The following ROBO2 variants were observed in gnomAD, a reference collection of about 807,000 sequenced individuals.
ROBO2 encodes the protein roundabout homolog 2.
Under a neutral mutation model 160.8 loss-of-function variants are expected in ROBO2, and 53 were observed. That is an observed-to-expected ratio of 0.33 (90% CI 0.26 to 0.41). ROBO2 has a LOEUF of 0.41. ROBO2 is among the 10% of genes least tolerant of loss of function. The probability of loss-of-function intolerance (pLI) is 1.00; values close to 1 mark genes in which losing one functional copy is unlikely to be tolerated. For synonymous variants in ROBO2, 664 were observed against 611.7 expected, an observed-to-expected ratio of 1.09 and a Z score of -1.26; for missense variants, 1,577 against 1,722.4, an observed-to-expected ratio of 0.92 and a Z score of 1.49.
chr3:76,770,537 T>G (rs1189649857), intron 2 of ROBO2, among the ~76,000 whole-genome samples: 1 of 151,202 alleles, frequency 6.6e-6, no homozygotes, highest in East Asian at 2.0e-4. Flanking sequence ...AAAGCTCTTT[T>G]CACAGTTTGA....
chr3:77,592,152 T>A (rs932077749), intron 17 of ROBO2, among the ~76,000 whole-genome samples: 1 of 152,166 alleles, frequency 6.6e-6, no homozygotes, highest in African/African-American at 2.4e-5. Context: ...TAAGGGTTTT[T>A]AAAAAAATTC....
chr3:77,228,533 A>G (rs895871271), intron 2 of ROBO2, among the ~76,000 whole-genome samples: 1 of 151,856 alleles, frequency 6.6e-6, no homozygotes, highest in Non-Finnish European at 1.5e-5. Context: ...TTGAACAATG[A>G]GAACATATGG....
chr3:76,077,457 G>A (rs2068680486), intron 2 of ROBO2, among the ~76,000 whole-genome samples: 3 of 152,132 alleles, frequency 2.0e-5, no homozygotes, highest in Admixed American at 2.0e-4. Context: ...CAGGTACTCA[G>A]GAGGCTGAGG....
intron 2 of ROBO2, among the ~76,000 whole-genome samples, chr3:77,019,054 C>T (rs2149496231): frequency 6.6e-6 from 1 of 152,262 alleles, no homozygotes; most frequent in South Asian, 2.1e-4. Flanking sequence ...CATCTTTCTT[C>T]TATGAAGGAT....
Position 77,375,252 on chromosome 3 carries a change from G to A in ROBO2, c.389-102162G>A, listed in dbSNP as rs913069486. Among the ~76,000 whole-genome samples, 13 of 152,328 alleles carry A rather than the reference G, an allele frequency of 8.5e-5. 1 individual carries two copies. The highest frequency in any genetic ancestry group is 6.8e-3 in the Middle Eastern group (2 of 294). On this transcript the variant is annotated intron_variant, in intron 2 of 25. Transcript: ENST00000461745. ...AATGGAATTAAAATGTTTTCTTGGA[G>A]CCTCTTGTCATTGATTTAGAAAGTC...
chr3:77,480,545 G>A (rs1316159672), intron 3 of ROBO2, among the ~76,000 whole-genome samples: 1 of 151,960 alleles, frequency 6.6e-6, no homozygotes, highest in Admixed American at 6.6e-5. Context: ...TTTTCTCCAA[G>A]AATTATCTCT....
rs2075377601 is a variant in ROBO2, at chr3:76,903,539, T to G, written c.110-194475T>G. Among the ~76,000 whole-genome samples the G allele has an allele frequency of 2.0e-5, 3 of 152,010 alleles. No homozygotes were observed. In the South Asian group the frequency reaches 6.2e-4, roughly 32 times the overall value. ...GGTCCTGAAATTGAAGGAAAGAAAG[T>G]TTTTCTCCATCCCCCACACCATCCC... On this transcript the variant is annotated intron_variant, in intron 2 of 26. Transcript: ENST00000487694.
chr3:76,769,868 C>G (rs1476404169), intron 2 of ROBO2, among the ~76,000 whole-genome samples: 1 of 151,416 alleles, frequency 6.6e-6, no homozygotes, highest in Non-Finnish European at 1.5e-5. Context: ...TCTTGCTCAT[C>G]TCTTCCATGG....
At chr3:76,403,366 CTA>C (rs1387581618) in intron 2 of ROBO2, among the ~76,000 whole-genome samples, 1 of 151,510 alleles carries the variant, frequency 6.6e-6, no homozygotes, top group Non-Finnish European at 1.5e-5. Context: ...AAATATTTGT[CTA>C]TGTTATTATT....
At chr3:75,975,237 G>T (rs537713960) in intron 2 of ROBO2, among the ~76,000 whole-genome samples, 1 of 151,464 alleles carries the variant, frequency 6.6e-6, no homozygotes, top group East Asian at 2.0e-4. Context: ...GTCTGCCACA[G>T]ATACAAATTT....
intron 2 of ROBO2, among the ~76,000 whole-genome samples, chr3:76,545,140 T>C (rs368017851): frequency 1.3e-5 from 2 of 151,760 alleles, no homozygotes; most frequent in Non-Finnish European, 2.9e-5. Flanking sequence ...ATCAAAGGAG[T>C]ATATGGCAGA....
At chr3:76,267,411 G>A (rs1191157097) in intron 2 of ROBO2, among the ~76,000 whole-genome samples, 6 of 152,040 alleles carry the variant, frequency 3.9e-5, no homozygotes, top group East Asian at 3.9e-4. Context: ...CTTCACATTC[G>A]TGGATATTTC....
chr3:77,331,882 T>G (rs1440198737), intron 2 of ROBO2, among the ~76,000 whole-genome samples: 1 of 152,058 alleles, frequency 6.6e-6, no homozygotes, highest in African/African-American at 2.4e-5. Flanking sequence ...ATTTTTGTAT[T>G]TTTAGTAGAG....
intron 2 of ROBO2, among the ~76,000 whole-genome samples, chr3:76,949,084 T>G (rs2078798119): frequency 6.6e-6 from 1 of 150,994 alleles, no homozygotes; most frequent in Admixed American, 6.6e-5. Flanking sequence ...TCTTTTTCAT[T>G]TTTTGAGAGC....
chr3:77,244,163 T>G (rs2089417020), intron 2 of ROBO2, among the ~76,000 whole-genome samples: 1 of 152,174 alleles, frequency 6.6e-6, no homozygotes, highest in Admixed American at 6.5e-5. Flanking sequence ...CAGGCTAAAT[T>G]TTGTCAATTA....
chr3:76,589,341 C>G (rs1256167448), intron 2 of ROBO2, among the ~76,000 whole-genome samples: 2 of 152,066 alleles, frequency 1.3e-5, no homozygotes, highest in Non-Finnish European at 2.9e-5. Flanking sequence ...GCGCTGTCAC[C>G]CAGGCTGGAG....
At chr3:77,391,151 C>T (rs1473947684) in intron 2 of ROBO2, among the ~76,000 whole-genome samples, 3 of 151,994 alleles carry the variant, frequency 2.0e-5, no homozygotes, top group Admixed American at 6.6e-5. Context: ...AATGTATTTA[C>T]AATGCCAAGT....
intron 1 of ROBO2, among the ~76,000 whole-genome samples, chr3:77,050,003 G>A (rs1386140019): frequency 6.6e-6 from 1 of 152,092 alleles, no homozygotes; most frequent in Non-Finnish European, 1.5e-5. Context: ...TATAAATCAA[G>A]GTTAGAGTCG....
intron 2 of ROBO2, among the ~76,000 whole-genome samples, chr3:76,749,896 G>C (rs1482205255): frequency 2.6e-5 from 4 of 152,022 alleles, no homozygotes; most frequent in Non-Finnish European, 1.5e-5. Flanking sequence ...CATTCCTTCT[G>C]CAACTATTCC....
Sources: allele counts gnomAD v4.1 joint callset (sites outside exome capture counted in the v4.1 genomes callset), GRCh38; gene constraint gnomAD v4.1.1; transcripts MANE v1.5; gene names NCBI Gene and HGNC (gene_info 2026-07-23, HGNC 2026-07-21).